Variants in SLC36A1 observed in about 807,000 individuals in gnomAD.
SLC36A1 encodes the protein solute carrier family 36 member 1.
A neutral mutation model predicts 47.5 loss-of-function variants in SLC36A1; 30 were observed. The ratio of observed to expected loss-of-function variants is 0.63; its 90% CI spans 0.47 to 0.86. The LOEUF (loss-of-function observed/expected upper bound fraction) is 0.86, where lower values mean the gene tolerates loss of function less well. Ranked by LOEUF, SLC36A1 falls within the 40% of genes least tolerant of loss-of-function variation. SLC36A1 has a pLI of 0.00. For synonymous variants in SLC36A1, 255 were observed against 249.7 expected (o/e 1.02, Z -0.20); for missense variants, 517 against 606.0 (o/e 0.85, Z 1.54).
the SLC36A1 span, among the ~76,000 whole-genome samples, chr5:151,515,185 T>C: frequency 6.6e-6 from 1 of 152,196 alleles, no homozygotes; most frequent in Non-Finnish European, 1.5e-5. Flanking sequence ...CACTCCTTCC[T>C]TCTTGATACG....
At chr5:151,440,172 G>A (rs1432675469) in intron 1 of SLC36A1, among the ~76,000 whole-genome samples, 2 of 152,104 alleles carry the variant, frequency 1.3e-5, no homozygotes, top group African/African-American at 4.8e-5. Flanking sequence ...TTACAGTGTA[G>A]CAGGCAACAC....
At chr5:151,501,490 C>T in the SLC36A1 span, among the ~76,000 whole-genome samples, 1 of 143,722 alleles carries the variant, frequency 7.0e-6, no homozygotes, top group Non-Finnish European at 1.5e-5. Flanking sequence ...CAGGAGGGAC[C>T]AGGCTGGTTT....
the SLC36A1 span, among the ~76,000 whole-genome samples, chr5:151,535,677 C>T: frequency 6.6e-6 from 1 of 152,116 alleles, no homozygotes; most frequent in African/African-American, 2.4e-5. Context: ...CGTGGGAGCC[C>T]CAACTTGAAG....
chr5:151,550,252 A>G, the SLC36A1 span, among the ~76,000 whole-genome samples: 1 of 152,160 alleles, frequency 6.6e-6, no homozygotes, highest in African/African-American at 2.4e-5. Context: ...CCTTGCTCTC[A>G]GTGGGAGAGG....
upstream of SLC36A1, among the ~76,000 whole-genome samples, chr5:151,433,160 T>A: frequency 7.5e-6 from 1 of 133,932 alleles, no homozygotes; most frequent in East Asian, 2.3e-4. Flanking sequence ...ACCATGGTAA[T>A]ATGACAGGCT....
At chr5:151,433,271 T>A (rs1340793239), upstream of SLC36A1, among the ~76,000 whole-genome samples, 6 of 32,732 alleles carry the variant, frequency 1.8e-4, no homozygotes, top group African/African-American at 5.8e-4. Flanking sequence ...TATATATTTT[T>A]TTTTTTTTTT....
upstream of SLC36A1, among the ~76,000 whole-genome samples, chr5:151,432,566 A>G (rs1374640620): frequency 6.6e-6 from 1 of 152,206 alleles, no homozygotes; most frequent in Admixed American, 6.5e-5. Context: ...ATTAAACACT[A>G]ATCTAGGTAA....
At chr5:151,396,083 T>C in the SLC36A1 span, among the ~76,000 whole-genome samples, 2 of 152,124 alleles carry the variant, frequency 1.3e-5, no homozygotes, top group African/African-American at 4.8e-5. Flanking sequence ...GTGCTGGGAT[T>C]ACAGGCGTGA....
the SLC36A1 span, chr5:151,550,931 C>T: frequency 1.4e-4 from 210 of 1,505,880 alleles, no homozygotes; most frequent in Non-Finnish European, 1.9e-4. Context: ...GGGACTGGGT[C>T]TGTCTGGACC....
At chr5:151,432,949 C>G (rs1324937320), upstream of SLC36A1, among the ~76,000 whole-genome samples, 2 of 151,710 alleles carry the variant, frequency 1.3e-5, no homozygotes, top group Non-Finnish European at 2.9e-5. Context: ...CTTATGAAAT[C>G]CTAAGCAGAG....
intron 1 of SLC36A1, among the ~76,000 whole-genome samples, chr5:151,441,502 A>T (rs913612059): frequency 3.3e-5 from 5 of 152,160 alleles, no homozygotes; most frequent in Non-Finnish European, 7.3e-5. Context: ...TGAAGAGTAA[A>T]AGTCTTAAGC....
chr5:151,454,083 A>ATTTTTT (rs35097474), intron 1 of SLC36A1, among the ~76,000 whole-genome samples: 5 of 88,084 alleles, frequency 5.7e-5, no homozygotes, highest in African/African-American at 1.9e-4. Context: ...GTACACTTAA[A>ATTTTTT]TTTTTTTTTT....
chr5:151,353,310 C>A, the SLC36A1 span, among the ~76,000 whole-genome samples: 2 of 152,146 alleles, frequency 1.3e-5, no homozygotes, highest in African/African-American at 4.8e-5. Context: ...CACAAAGATA[C>A]TATGTTTAGG....
chr5:151,548,060 A>G, the SLC36A1 span, among the ~76,000 whole-genome samples: 12 of 152,350 alleles, frequency 7.9e-5, no homozygotes, highest in African/African-American at 2.9e-4. Context: ...CATAAATCAC[A>G]AAAAGCAAGC....
chr5:151,469,553 T>C (rs748011040), intron 7 of SLC36A1, among the ~76,000 whole-genome samples: 43 of 152,336 alleles, frequency 2.8e-4, no homozygotes, highest in Non-Finnish European at 5.4e-4. Context: ...GAGATGTTCT[T>C]ATACATTCCT....
chr5:151,426,907 A>T, the SLC36A1 span, among the ~76,000 whole-genome samples: 34 of 152,332 alleles, frequency 2.2e-4, no homozygotes, highest in African/African-American at 6.5e-4. Flanking sequence ...TACCAAGCAT[A>T]CTGCCTGCAA....
At chr5:151,496,206 G>A (rs1276728884), downstream of SLC36A1, among the ~76,000 whole-genome samples, 1 of 152,164 alleles carries the variant, frequency 6.6e-6, no homozygotes, top group African/African-American at 2.4e-5. Context: ...AAAAAGGGGT[G>A]TCTCCCTGCA....
chr5:151,492,916 C>T (rs1760225698), downstream of SLC36A1, among the ~76,000 whole-genome samples: 1 of 152,210 alleles, frequency 6.6e-6, no homozygotes. Flanking sequence ...ACAGGCCTGC[C>T]CTATGACTCG....
the SLC36A1 span, among the ~76,000 whole-genome samples, chr5:151,399,289 G>A: frequency 1.3e-5 from 2 of 151,556 alleles, no homozygotes; most frequent in South Asian, 2.1e-4. Context: ...GTTTCACCAC[G>A]TTGTCCAGGC....
Sources: allele counts gnomAD v4.1 joint callset (sites outside exome capture counted in the v4.1 genomes callset), GRCh38; gene constraint gnomAD v4.1.1; transcripts MANE v1.5; gene names NCBI Gene and HGNC (gene_info 2026-07-23, HGNC 2026-07-21).